The following MCC variants were observed in gnomAD, a reference collection of about 807,000 sequenced individuals.
MCC encodes colorectal mutant cancer protein.
Under a neutral mutation model 116.2 loss-of-function variants are expected in MCC, and 90 were observed. The observed-to-expected ratio is 0.77, with a 90% CI of 0.65 to 0.92. MCC has a LOEUF of 0.92. Among genes scored for constraint, MCC ranks in the 40% least tolerant of loss-of-function variants. The pLI is 0.00. For missense variants in MCC, 1,516 were observed against 1,312.2 expected (o/e 1.16, Z -2.40); for synonymous variants, 578 against 510.5 (o/e 1.13, Z -1.78).
intron 8 of MCC, among the ~76,000 whole-genome samples, chr5:113,095,176 A>G (rs1196227876): frequency 6.6e-6 from 1 of 152,176 alleles, no homozygotes. Flanking sequence ...AACAGAGGAC[A>G]TTTTACCCAC....
intron 6 of MCC, among the ~76,000 whole-genome samples, chr5:113,117,270 G>C (rs1757449541): frequency 6.6e-6 from 1 of 152,166 alleles, no homozygotes; most frequent in Non-Finnish European, 1.5e-5. Context: ...AGTAAGCCAG[G>C]AGAATCTGGC....
At position 113,107,529 on chromosome 5, in the gene MCC, G is replaced by A. The variant is rs755130616; in HGVS notation, c.1028-3174C>T. Among the ~76,000 whole-genome samples, 42 of 152,224 alleles carry A rather than the reference G, an allele frequency of 2.8e-4. 1 individual carries two copies. Among genetic ancestry groups the A allele is most frequent in the Admixed American group, 5.9e-4 (9 of 15,294 alleles). ...TGCTCATCACTGCAGAGGCCCTTTG[G>A]AGATGGAGGCAGGTGGACACCAACT... On this transcript the variant is annotated intron_variant, in intron 6 of 18. Transcript: ENST00000408903.
chr5:113,139,004 T>A (rs1209005435), intron 5 of MCC, among the ~76,000 whole-genome samples: 4 of 152,146 alleles, frequency 2.6e-5, no homozygotes, highest in Non-Finnish European at 5.9e-5. Flanking sequence ...GACCAGAGTT[T>A]GACTATAATG....
At chr5:113,117,223 A>C (rs1467494206) in intron 6 of MCC, among the ~76,000 whole-genome samples, 2 of 152,314 alleles carry the variant, frequency 1.3e-5, no homozygotes, top group African/African-American at 4.8e-5. Context: ...TGACACTTGT[A>C]AACATTTTTT....
intron 3 of MCC, among the ~76,000 whole-genome samples, chr5:113,333,870 TATTCACATATAC>T (rs1767802222): frequency 8.1e-6 from 1 of 122,918 alleles, no homozygotes; most frequent in South Asian, 2.4e-4. Flanking sequence ...TGTATATATG[TATTCACATATAC>T]ATGTATTTAT....
intron 1 of MCC, among the ~76,000 whole-genome samples, chr5:113,485,526 G>A (rs1024176345): frequency 1.3e-5 from 2 of 152,200 alleles, no homozygotes; most frequent in African/African-American, 2.4e-5. Flanking sequence ...CTGCTTTAAT[G>A]ATACAGGCAC....
At chr5:113,183,124 G>A (rs562987421) in intron 3 of MCC, among the ~76,000 whole-genome samples, 22 of 152,250 alleles carry the variant, frequency 1.4e-4, no homozygotes, top group South Asian at 6.2e-4. Context: ...CAGATGATAC[G>A]CCTCACGCAG....
In MCC at chr5:113,034,168, G is replaced by C. The variant is rs1314289908; in HGVS notation, c.2757-5112C>G. On this transcript the variant is annotated intron_variant, in intron 17 of 18. Coordinates refer to ENST00000408903, the MANE Select transcript of MCC (RefSeq NM_001085377.2). ...TCCCACCTTGCCCTCCCAAAATGCT[G>C]AGATTACAGGCCTGAGCAACTCCAC... Among the ~76,000 whole-genome samples the C allele has an allele frequency of 3.3e-5, 5 of 150,694 alleles. No homozygotes were observed. The South Asian group carries it at 8.4e-4, about 25-fold the overall frequency.
Position 113,101,823 on chromosome 5 carries a change from C to G in MCC, c.1314G>C (p.Met438Ile), listed in dbSNP as rs1243989961. Residue 438 changes from methionine to isoleucine, a missense_variant, in exon 8 of 19, where the codon ATG (methionine) becomes ATC (isoleucine). Transcript: ENST00000408903. Reference sequence around the variant, plus strand: ...TCAGTTCTTCCTCTTTGCTGCACAGCATGGCAGTCAGGCTCTCATTCTCTT... The same window carrying G: ...TCAGTTCTTCCTCTTTGCTGCACAGGATGGCAGTCAGGCTCTCATTCTCTT... ...LREENESLTAMLCSKEEELNR... is the reference protein window; with the variant it reads ...LREENESLTAILCSKEEELNR... 1 of 1,613,518 alleles carries G rather than the reference C, an allele frequency of 6.2e-7. No homozygotes were observed. The highest frequency in any genetic ancestry group is 1.3e-5 in the African/African-American group (1 of 74,922).
intron 3 of MCC, among the ~76,000 whole-genome samples, chr5:113,239,930 C>A (rs1474629813): frequency 6.6e-6 from 1 of 152,168 alleles, no homozygotes; most frequent in Non-Finnish European, 1.5e-5. Flanking sequence ...AGTCTCCACA[C>A]AGAGCTCAGG....
At chr5:113,237,754 C>T (rs1380635181) in intron 3 of MCC, among the ~76,000 whole-genome samples, 1 of 152,204 alleles carries the variant, frequency 6.6e-6, no homozygotes, top group Non-Finnish European at 1.5e-5. Context: ...GATTCAGAAA[C>T]TTGCAAGGCT....
At chr5:113,031,310 A>T (rs1343169229) in intron 17 of MCC, among the ~76,000 whole-genome samples, 1 of 152,110 alleles carries the variant, frequency 6.6e-6, no homozygotes, top group South Asian at 2.1e-4. Flanking sequence ...CCTCCAGGAC[A>T]TCTCGGATCT....
chr5:113,460,200 G>C (rs1771706676), intron 1 of MCC, among the ~76,000 whole-genome samples: 1 of 152,106 alleles, frequency 6.6e-6, no homozygotes, highest in South Asian at 2.1e-4. Context: ...GGGTAGCTTT[G>C]GGGAATATCA....
At chr5:113,416,496 A>G (rs1770152606) in intron 1 of MCC, among the ~76,000 whole-genome samples, 1 of 152,226 alleles carries the variant, frequency 6.6e-6, no homozygotes, top group Non-Finnish European at 1.5e-5. Flanking sequence ...TTGATATGGA[A>G]AAGTTTCTAA....
rs1753491883 is a variant in MCC, at chr5:113,065,016, C to A, written c.2030-849G>T. ...AAAACAACAACAAGAACAACAGCAA[C>A]AGCAATGGTTGCCAGGGGATGGGGT... On this transcript the variant is annotated intron_variant, in intron 13 of 18. Coordinates refer to ENST00000408903, the MANE Select transcript of MCC (RefSeq NM_001085377.2). Among the ~76,000 whole-genome samples the A allele has an allele frequency of 2.6e-5, 4 of 152,226 alleles. No individual in the cohort carries two copies. In the South Asian group the frequency reaches 6.2e-4, roughly 24 times the overall value.
At chr5:113,143,448 C>T in intron 4 of MCC, 88 bp from the exon 5 acceptor site, 4 of 1,373,894 alleles carry the variant, frequency 2.9e-6, no homozygotes, top group Non-Finnish European at 4.0e-6. Flanking sequence ...TAAACCATTA[C>T]AACTGCCAAC....
In MCC at chr5:113,024,536, C is replaced by CAGAG. The variant is rs1396447806; in HGVS notation, c.*2762_*2765dup. 1 of 152,190 alleles carries CAGAG rather than the reference C, an allele frequency of 6.6e-6. No individual in the cohort carries two copies. The highest frequency in any genetic ancestry group is 2.4e-5 in the African/African-American group (1 of 41,438). 9.4% of individuals were successfully genotyped at this position (152,190 alleles called of 1,614,324 possible). ...CAAAAGCCAAAGACTGAATTCTGAA[C>CAGAG]AGAGATGGTTACTGACTAAAAGGGG... On this transcript the variant is annotated 3_prime_UTR_variant, in exon 19 of 19. Transcript: ENST00000408903.
intron 3 of MCC, among the ~76,000 whole-genome samples, chr5:113,158,077 C>T (rs888064280): frequency 6.6e-6 from 1 of 152,208 alleles, no homozygotes; most frequent in African/African-American, 2.4e-5. Flanking sequence ...AGCAGCCCAG[C>T]ACGCAAATGC....
chr5:113,032,625 G>A (rs572571380), intron 17 of MCC, among the ~76,000 whole-genome samples: 1 of 152,124 alleles, frequency 6.6e-6, no homozygotes, highest in Non-Finnish European at 1.5e-5. Context: ...TGCTGTCAGA[G>A]GCATGTGAAC....
Sources: gnomAD v4.1 joint callset for allele counts (sites outside exome capture counted in the v4.1 genomes callset) on GRCh38, gnomAD v4.1.1 for gene constraint, MANE v1.5 for transcripts, NCBI Gene and HGNC (gene_info 2026-07-23, HGNC 2026-07-21) for gene names.